PLXND1: variants seen among roughly 807,000 people sequenced by gnomAD.
PLXND1 encodes the protein plexin-D1.
PLXND1 carries 54 observed loss-of-function variants against 197.7 expected under a neutral mutation model. The ratio of observed to expected loss-of-function variants is 0.27; its 90% CI spans 0.22 to 0.34. The LOEUF is 0.34. PLXND1 is among the 10% of genes least tolerant of loss of function. The pLI is 1.00. For synonymous variants in PLXND1, 1,180 were observed against 1,161.2 expected (o/e 1.02, Z -0.33); for missense variants, 2,127 against 2,699.2 (o/e 0.79, Z 4.70).
chr3:129,566,659 G>A (rs949287297), intron 22 of PLXND1, 28 bp from the exon 23 acceptor site: 2 of 1,421,158 alleles, frequency 1.4e-6, no homozygotes, highest in Non-Finnish European at 2.0e-6. Context: ...CAGCATCTCA[G>A]CGGGGCTGGA....
intron 24 of PLXND1, 56 bp downstream of exon 24, chr3:129,565,831 T>C (rs2085131575): frequency 1.3e-6 from 2 of 1,585,106 alleles, no homozygotes; most frequent in Admixed American, 1.7e-5. Flanking sequence ...CCTGATGCTG[T>C]GTGGCCTTGG....
In PLXND1 at chr3:129,585,954, G is replaced by A. The variant is rs2285372; in HGVS notation, c.1849C>T (p.Pro617Ser). The change falls in exon 5 of 36, where the codon CCA becomes TCA. Residue 617 changes from proline to serine, a missense_variant and splice_region_variant. Coordinates refer to ENST00000324093, the MANE Select transcript of PLXND1 (RefSeq NM_015103.3). ...GTCTTGCCTCCCCCAGGACTCACTG[G>A]GTACTCCTGGCGCACATCGATCTCG... ...PSEIDVRQEY[P>S]GMILQISGSL... 0.039 allele frequency: 62,780 copies of A among 1,613,970 alleles called. 1,857 individuals carry two copies. Among genetic ancestry groups the A allele is most frequent in the East Asian group, 0.12 (5,418 of 44,888 alleles).
intron 26 of PLXND1, 75 bp from the exon 27 acceptor site, chr3:129,563,018 C>G (rs2085084161): frequency 1.2e-6 from 2 of 1,610,708 alleles, no homozygotes; most frequent in South Asian, 2.2e-5. Flanking sequence ...CAGCAAGGCC[C>G]TGCAGAGGAA....
Position 129,572,935 on chromosome 3 carries a change from C to T in PLXND1, c.2844G>A (p.Val948=). The T allele has an allele frequency of 1.2e-6, 2 of 1,612,550 alleles. No homozygotes were observed. Among genetic ancestry groups the T allele is most frequent in the Non-Finnish European group, 1.7e-6 (2 of 1,178,984 alleles). ...PDRYTVSEEI[V]CVTGPAPGPL... ...GTCCTGGGGCTGGCCCTGTGACACA[C>T]ACGATCCTGAGGGGAGGTGCTGTGG... The change falls in exon 14 of 36, where the codon GTG becomes GTA. Residue 948 remains valine, a synonymous_variant. Transcript: ENST00000324093.
intron 27 of PLXND1, 145 bp downstream of exon 27, chr3:129,562,642 T>G (rs1399106183): frequency 2.9e-6 from 2 of 694,536 alleles, no homozygotes; most frequent in Admixed American, 5.9e-5. Context: ...AGTAAGAGCT[T>G]CTTGCTGAGG....
intron 29 of PLXND1, 54 bp from the exon 30 acceptor site, chr3:129,560,777 G>C: frequency 9.7e-7 from 1 of 1,032,056 alleles, no homozygotes; most frequent in Non-Finnish European, 1.5e-6. Context: ...GAGAGAAACA[G>C]AAATGAAGAC....
chr3:129,572,858 T>C lies in PLXND1; in HGVS notation c.2921A>G (p.Asp974Gly). 1.2e-6 allele frequency: 2 copies of C among 1,613,618 alleles called. No individual in the cohort carries two copies. The highest frequency in any genetic ancestry group is 2.7e-5 in the African/African-American group (2 of 74,976). Reference sequence around the variant, plus strand: ...CCCCCTTACCACGTAGGAGAAGCGGTCCCGGGACTTGCCCTCCTTAGAGGC... The same window carrying C: ...CCCCCTTACCACGTAGGAGAAGCGGCCCCGGGACTTGCCCTCCTTAGAGGC... ...VNASKEGKSRDRFSYVLPLVH... is the reference protein window; with the variant it reads ...VNASKEGKSRGRFSYVLPLVH... Residue 974 changes from aspartate to glycine, a missense_variant, in exon 14 of 36, where the codon GAC becomes GGC. Asp to Gly is a moderately conservative substitution (Grantham distance 94). Transcript: ENST00000324093.
At chr3:129,575,138 G>A (rs531058817) in intron 11 of PLXND1, among the ~76,000 whole-genome samples, 26 of 152,304 alleles carry the variant, frequency 1.7e-4, no homozygotes, top group Admixed American at 4.6e-4. Flanking sequence ...GCTGCCACGC[G>A]AGGGGAGCTG....
In PLXND1 at chr3:129,586,040, T is replaced by C; in HGVS notation, c.1763A>G (p.His588Arg). ...GCCCTCGCTGGCACTGGTCCAGAAA[T>C]GCTGCTGGCTGGAATTGGTGCAGTC... Reference protein sequence around the residue: ...QQDCTNSSQQHFWTSASEGPS... With the variant: ...QQDCTNSSQQRFWTSASEGPS... The change falls in exon 5 of 36, where the codon CAT (histidine) becomes CGT (arginine). Residue 588 changes from histidine (H) to arginine (R), a missense_variant. Coordinates refer to ENST00000324093, the MANE Select transcript of PLXND1 (RefSeq NM_015103.3). The C allele has an allele frequency of 6.2e-7, 1 of 1,613,940 alleles. No individual in the cohort carries two copies. The highest frequency in any genetic ancestry group is 8.5e-7 in the Non-Finnish European group (1 of 1,179,992).
At position 129,571,692 on chromosome 3, in the gene PLXND1, C is replaced by A. The variant is rs764196524; in HGVS notation, c.3230G>T (p.Arg1077Leu). 1 of 1,613,882 alleles carries A rather than the reference C, an allele frequency of 6.2e-7. No homozygotes were observed. Among genetic ancestry groups the A allele is most frequent in the Non-Finnish European group, 8.5e-7 (1 of 1,179,968 alleles). The change falls in exon 16 of 36, where the codon CGC (arginine) becomes CTC (leucine). Residue 1077 changes from arginine (R) to leucine (L), a missense_variant. Around this residue, in one of 6 missense-constraint regions of PLXND1, gnomAD observed 532 missense variants for 811.0 expected, o/e 0.66. Transcript: ENST00000324093. ...QNPVITAISP[R>L]RSPVSGGRTI... is the part of the protein sequence containing the mutation. ...CCAGTCTCACCTGACAGGGCTGCGGCGGGGACTGATGGCCGTGATGACCGG... is the reference window on the plus strand; with the variant it reads ...CCAGTCTCACCTGACAGGGCTGCGGAGGGGACTGATGGCCGTGATGACCGG...
At position 129,605,828 on chromosome 3, in the gene PLXND1, G is replaced by T. The variant is rs745969225; in HGVS notation, c.812C>A (p.Ala271Asp). ...DDNILKIKQGAKEQHKLGFVS... is the reference protein window; with the variant it reads ...DDNILKIKQGDKEQHKLGFVS... ...GAAGCCCAGCTTGTGCTGCTCCTTG[G>T]CGCCCTGCTTGATCTTGAGGATGTT... Residue 271 changes from alanine (A) to aspartate (D), a missense_variant, in exon 1 of 36, where the codon GCC (alanine) becomes GAC (aspartate). Transcript: ENST00000324093. The T allele has an allele frequency of 6.8e-6, 11 of 1,612,010 alleles. No individual in the cohort carries two copies. The highest frequency in any genetic ancestry group is 7.6e-6 in the Non-Finnish European group (9 of 1,179,350).
chr3:129,557,199 AGAG>A lies in PLXND1; in HGVS notation c.5467_5469del (p.Leu1823del). On this transcript the variant is annotated inframe_deletion, in exon 34 of 36. Coordinates refer to ENST00000324093, the MANE Select transcript of PLXND1 (RefSeq NM_015103.3). This position sits in a 1 kb window ranked among gnomAD's most constrained non-coding sequence, Gnocchi z 4.8. ...CGGTACTCAGGAATCTCCTTGGCGTAGAGGAGCTTGTTGGTTGGCGAATCCTGG... is the reference window on the plus strand; with the variant it reads ...CGGTACTCAGGAATCTCCTTGGCGTAGAGCTTGTTGGTTGGCGAATCCTGG... 1 of 1,614,146 alleles carries A rather than the reference AGAG, an allele frequency of 6.2e-7. No individual in the cohort carries two copies. Among genetic ancestry groups the A allele is most frequent in the Non-Finnish European group, 8.5e-7 (1 of 1,180,026 alleles).
At chr3:129,602,676 C>T (rs1317178785) in intron 1 of PLXND1, among the ~76,000 whole-genome samples, 2 of 152,148 alleles carry the variant, frequency 1.3e-5, no homozygotes, top group Non-Finnish European at 2.9e-5. Flanking sequence ...GGGGTGTTTA[C>T]AGCTGCAGAA....
At chr3:129,603,133 C>G (rs908538441) in intron 1 of PLXND1, among the ~76,000 whole-genome samples, 1 of 152,224 alleles carries the variant, frequency 6.6e-6, no homozygotes, top group East Asian at 1.9e-4. Flanking sequence ...GGCCTGTGCC[C>G]ACAGCGGGCA....
intron 1 of PLXND1, among the ~76,000 whole-genome samples, chr3:129,593,832 T>C (rs1036618639): frequency 6.6e-6 from 1 of 152,190 alleles, no homozygotes; most frequent in Non-Finnish European, 1.5e-5. Flanking sequence ...CTCTCTCACA[T>C]GGGATGAGCA....
At chr3:129,578,282 C>T (rs1304901403) in intron 9 of PLXND1, 47 bp downstream of exon 9, 1 of 1,241,754 alleles carries the variant, frequency 8.1e-7, no homozygotes, top group Admixed American at 2.0e-5. Flanking sequence ...TGCGTGCTCC[C>T]CGGCCTCCTC....
Position 129,555,272 on chromosome 3 carries a change from TCCAGCCCCCATGGGCTCTGAG to T in PLXND1, c.*1019_*1039del, listed in dbSNP as rs2084957237. 3 of 483,784 alleles carry T rather than the reference TCCAGCCCCCATGGGCTCTGAG, an allele frequency of 6.2e-6. No individual in the cohort carries two copies. The highest frequency in any genetic ancestry group is 2.0e-5 in the African/African-American group (1 of 49,078). The allele number at this position is 483,784 out of a possible 1,614,324, so 30.0% of individuals were successfully genotyped here. Reference sequence around the variant, plus strand: ...GATTCCAGAGTCCCAGCTGCCCCCCTCCAGCCCCCATGGGCTCTGAGCCAGTCCCAACACTGGCTGAGTTGG... The same window carrying T: ...GATTCCAGAGTCCCAGCTGCCCCCCTCCAGTCCCAACACTGGCTGAGTTGG... On this transcript the variant is annotated 3_prime_UTR_variant, in exon 36 of 36. Coordinates refer to ENST00000324093, the MANE Select transcript of PLXND1 (RefSeq NM_015103.3).
In PLXND1 at chr3:129,589,387, C is replaced by T. The variant is rs763302268; in HGVS notation, c.1452G>A (p.Ala484=). The T allele has an allele frequency of 2.0e-5, 33 of 1,611,044 alleles. No homozygotes were observed. The highest frequency in any genetic ancestry group is 4.4e-5 in the South Asian group (4 of 90,924). ...TCCCGTTGACCGTGCCCAGGAAGAC[C>T]GCTGTGTAGTTGTTGACGCTGGCCA... The part of the protein sequence containing the change: ...VAVASVNNYT[A]VFLGTVNGRL... The change falls in exon 2 of 36, where the codon GCG becomes GCA. Residue 484 remains alanine, a synonymous_variant. Coordinates refer to ENST00000324093, the MANE Select transcript of PLXND1 (RefSeq NM_015103.3).
intron 1 of PLXND1, chr3:129,591,627 T>A (rs1353451260): frequency 6.6e-6 from 1 of 152,238 alleles, no homozygotes; most frequent in Non-Finnish European, 1.5e-5. Flanking sequence ...ACTATTGTGT[T>A]TCAGACATGA....
Sources: gnomAD v4.1 joint callset for allele counts (sites outside exome capture counted in the v4.1 genomes callset) on GRCh38, gnomAD v4.1.1 for gene constraint, gnomAD v4.1.1 regional missense constraint, Gnocchi (gnomAD v3.1) non-coding constraint, MANE v1.5 for transcripts, NCBI Gene and HGNC (gene_info 2026-07-23, HGNC 2026-07-21) for gene names.